Variants in DUSP19 observed in about 807,000 individuals in gnomAD.
The protein encoded by DUSP19 is dual specificity phosphatase 19.
Under a neutral mutation model 16.6 loss-of-function variants are expected in DUSP19, and 14 were observed. The ratio of observed to expected loss-of-function variants is 0.84; its 90% CI spans 0.56 to 1.32. The LOEUF is 1.32. Among genes scored for constraint, DUSP19 ranks in the 40% most tolerant of loss-of-function variants. DUSP19 has a pLI of 0.00. For missense variants in DUSP19, 258 were observed against 255.9 expected, an observed-to-expected ratio of 1.01 and a Z score of -0.06; for synonymous variants, 81 against 90.5, an observed-to-expected ratio of 0.90 and a Z score of 0.59.
chr2:183,081,241 A>T (rs982919622), intron 1 of DUSP19, among the ~76,000 whole-genome samples: 1 of 152,106 alleles, frequency 6.6e-6, no homozygotes, highest in African/African-American at 2.4e-5. Flanking sequence ...ACAGATAATT[A>T]TTTATTATTT....
intron 2 of DUSP19, among the ~76,000 whole-genome samples, chr2:183,084,294 T>C (rs1575093394): frequency 1.3e-5 from 2 of 150,966 alleles, no homozygotes; most frequent in South Asian, 4.2e-4. Flanking sequence ...AGGAAAGGAG[T>C]AGACAGCCTG....
chr2:183,086,964 A>G (rs940762980), intron 2 of DUSP19, 76 bp from the exon 3 acceptor site: 3 of 1,431,888 alleles, frequency 2.1e-6, no homozygotes, highest in African/African-American at 2.9e-5. Flanking sequence ...TGTTATAGAT[A>G]TCAACACCCC....
At chr2:183,083,411 G>A (rs538176394) in intron 1 of DUSP19, 97 bp from the exon 2 acceptor site, 19 of 1,209,194 alleles carry the variant, frequency 1.6e-5, no homozygotes, top group Middle Eastern at 4.0e-4. Flanking sequence ...CAAGTTGTTG[G>A]TCTTTTTTTT....
intron 3 of DUSP19, among the ~76,000 whole-genome samples, 158 bp downstream of exon 3, chr2:183,087,350 T>A (rs1287472122): frequency 6.6e-6 from 1 of 152,222 alleles, no homozygotes; most frequent in Non-Finnish European, 1.5e-5. Context: ...ATTTGGTTAA[T>A]TGCTCTTTTT....
intron 1 of DUSP19, among the ~76,000 whole-genome samples, chr2:183,083,137 A>G (rs1406104786): frequency 3.9e-5 from 6 of 152,108 alleles, no homozygotes; most frequent in African/African-American, 1.2e-4. Context: ...CTTATTTCTA[A>G]TGGTGGTAAT....
In DUSP19 at chr2:183,079,173, C is replaced by A; in HGVS notation, c.226+14C>A. On this transcript the variant is annotated intron_variant, in intron 1 of 3. Coordinates refer to ENST00000354221, the MANE Select transcript of DUSP19 (RefSeq NM_080876.4). The stretch of plus-strand genomic sequence containing the variant: ...GGTTGCTCCTAGGTGAGTATATCGA[C>A]TTGCCACTAGATCATTGAGTCCTTT... 1 of 1,607,348 alleles carries A rather than the reference C, an allele frequency of 6.2e-7. No homozygotes were observed.
At chr2:183,092,804 A>G (rs566383765) in intron 3 of DUSP19, among the ~76,000 whole-genome samples, 2 of 151,158 alleles carry the variant, frequency 1.3e-5, no homozygotes, top group Non-Finnish European at 2.9e-5. Context: ...CCTGAGTTCA[A>G]GTGATTCTCC....
chr2:183,084,390 G>A (rs1035454493), intron 2 of DUSP19, among the ~76,000 whole-genome samples: 2 of 150,304 alleles, frequency 1.3e-5, no homozygotes, highest in South Asian at 2.1e-4. Context: ...TTTTGCTACT[G>A]TACTCCAGAC....
At chr2:183,090,348 C>T (rs1038379228) in intron 3 of DUSP19, among the ~76,000 whole-genome samples, 1 of 152,118 alleles carries the variant, frequency 6.6e-6, no homozygotes, top group Non-Finnish European at 1.5e-5. Flanking sequence ...TCTGTCCTTC[C>T]TTTATGCCTA....
At chr2:183,083,660 G>A in intron 2 of DUSP19, 106 bp downstream of exon 2, 1 of 905,484 alleles carries the variant, frequency 1.1e-6, no homozygotes, top group Non-Finnish European at 1.6e-6. Context: ...GAGTTTATTT[G>A]GTAACATTTT....
At chr2:183,090,995 T>C (rs1699725139) in intron 3 of DUSP19, among the ~76,000 whole-genome samples, 1 of 152,220 alleles carries the variant, frequency 6.6e-6, no homozygotes, top group Non-Finnish European at 1.5e-5. Flanking sequence ...ATATTTGCAC[T>C]TCTTGGTCCT....
At chr2:183,085,789 C>T (rs1038703028) in intron 2 of DUSP19, among the ~76,000 whole-genome samples, 1 of 144,052 alleles carries the variant, frequency 6.9e-6, no homozygotes, top group Non-Finnish European at 1.5e-5. Context: ...TGCACGAGCA[C>T]ATCCTTCATT....
chr2:183,088,337 T>G (rs1459751979), intron 3 of DUSP19, among the ~76,000 whole-genome samples: 1 of 152,000 alleles, frequency 6.6e-6, no homozygotes. Flanking sequence ...TGTTAAATGA[T>G]GCACGACTGT....
At chr2:183,079,210 C>A (rs765764389) in intron 1 of DUSP19, 51 bp downstream of exon 1, 3 of 1,529,764 alleles carry the variant, frequency 2.0e-6, no homozygotes, top group East Asian at 4.5e-5. Context: ...AGCCAGATTA[C>A]GTTCTCATTT....
intron 1 of DUSP19, chr2:183,083,295 T>C (rs530027827): frequency 2.3e-5 from 11 of 469,876 alleles, no homozygotes; most frequent in Admixed American, 3.8e-5. Context: ...TTGCAACATC[T>C]ATAACTTTTA....
intron 2 of DUSP19, among the ~76,000 whole-genome samples, chr2:183,085,855 T>TTG (rs1699653733): frequency 1.4e-5 from 1 of 70,886 alleles, no homozygotes; most frequent in African/African-American, 5.1e-5. Context: ...AGGTTTTTTT[T>TTG]TTTTTTTTTT....
At chr2:183,088,824 T>C (rs745382449) in intron 3 of DUSP19, among the ~76,000 whole-genome samples, 3 of 152,210 alleles carry the variant, frequency 2.0e-5, no homozygotes, top group Non-Finnish European at 4.4e-5. Flanking sequence ...TGTGAGTTAA[T>C]AGTTTTAAAA....
chr2:183,086,965 TCA>T, intron 2 of DUSP19, 73 bp from the exon 3 acceptor site: 3 of 1,436,776 alleles, frequency 2.1e-6, no homozygotes, highest in Non-Finnish European at 2.8e-6. Context: ...GTTATAGATA[TCA>T]ACACCCCAGT....
rs1481843711 is a variant in DUSP19 at position 183,099,617 on chromosome 2, T to C, written c.*3959T>C. 6.6e-6 allele frequency: 1 copy of C among 152,230 alleles called. No homozygotes were observed. Among genetic ancestry groups the C allele is most frequent in the Non-Finnish European group, 1.5e-5 (1 of 68,046 alleles). 9.4% of individuals were successfully genotyped at this position (152,230 alleles called of 1,614,324 possible). A position where few individuals can be genotyped will look rare whatever the true frequency, so the allele number is the denominator to read the frequency against. On this transcript the variant is annotated 3_prime_UTR_variant, in exon 4 of 4. Transcript: ENST00000354221. Reference sequence around the variant, plus strand: ...TGTTGATATACTTTAATAAAAATGATATGTTTAATATTTTCCCATTAATAT... The same window carrying C: ...TGTTGATATACTTTAATAAAAATGACATGTTTAATATTTTCCCATTAATAT...
Sources: gnomAD v4.1 joint callset for allele counts (sites outside exome capture counted in the v4.1 genomes callset) on GRCh38, gnomAD v4.1.1 for gene constraint, MANE v1.5 for transcripts, NCBI Gene and HGNC (gene_info 2026-07-23, HGNC 2026-07-21) for gene names.